Variants in AMN observed in about 807,000 individuals in gnomAD.
The protein encoded by AMN is amnion associated transmembrane protein.
A neutral mutation model predicts 49.1 loss-of-function variants in AMN; 40 were observed. The observed-to-expected ratio is 0.81, with a 90% CI of 0.63 to 1.06. The LOEUF is 1.06. Among genes scored for constraint, AMN ranks in the 50% least tolerant of loss-of-function variants. The pLI is 0.00. For missense variants in AMN, 701 were observed against 662.8 expected (o/e 1.06, Z -0.63); for synonymous variants, 380 against 313.3 (o/e 1.21, Z -2.25).
intron 8 of AMN, 78 bp from the exon 9 acceptor site, chr14:102,929,846 C>T (rs963445170): frequency 2.6e-6 from 4 of 1,545,218 alleles, no homozygotes; most frequent in African/African-American, 2.7e-5. Context: ...TGCCCACTAT[C>T]TGCCTCTGCC....
intron 3 of AMN, among the ~76,000 whole-genome samples, chr14:102,928,125 C>T (rs1891228646): frequency 6.6e-6 from 1 of 152,258 alleles, no homozygotes; most frequent in African/African-American, 2.4e-5. Flanking sequence ...CCCCAGACTC[C>T]CCACGGCTCC....
In AMN at chr14:102,928,474, G is replaced by C; in HGVS notation, c.256G>C (p.Gly86Arg). Residue 86 changes from glycine (G) to arginine (R), a missense_variant, in exon 4 of 12, where the codon GGC (glycine) becomes CGC (arginine). By Grantham distance (125) the Gly-to-Arg change is moderately radical. Coordinates refer to ENST00000299155, the MANE Select transcript of AMN (RefSeq NM_030943.4). ...ELVLASGAGF[G>R]VSDVGSHLDC... ...CGTCCTGGCTTCAGGAGCCGGATTC[G>C]GCGTCTCAGACGTGGGCTCGCACCT... 3 of 1,609,808 alleles carry C rather than the reference G, an allele frequency of 1.9e-6. No individual in the cohort carries two copies. The highest frequency in any genetic ancestry group is 2.5e-6 in the Non-Finnish European group (3 of 1,179,138).
At chr14:102,922,947 AGAG>A (rs1211341713) in intron 1 of AMN, 1 of 630,286 alleles carries the variant, frequency 1.6e-6, no homozygotes, top group African/African-American at 1.9e-5. Context: ...GCGGGAGAGG[AGAG>A]GAGGGGCTCC....
intron 1 of AMN, chr14:102,923,166 C>G: frequency 4.2e-6 from 1 of 240,830 alleles, no homozygotes; most frequent in Non-Finnish European, 8.2e-6. Context: ...CTGGCGCCCC[C>G]TTCCCTAAAC....
At chr14:102,924,633 C>G (rs1220506689) in intron 3 of AMN, among the ~76,000 whole-genome samples, 1 of 152,208 alleles carries the variant, frequency 6.6e-6, no homozygotes, top group East Asian at 1.9e-4. Flanking sequence ...AGGTTGGGGA[C>G]TGCTGCCCTA....
chr14:102,929,328 G>GC, intron 6 of AMN, 70 bp downstream of exon 6: 1 of 1,475,560 alleles, frequency 6.8e-7, no homozygotes, highest in Non-Finnish European at 8.9e-7. Flanking sequence ...CAGGGCCGCT[G>GC]CGCTCCCACG....
chr14:102,930,137 G>T, intron 9 of AMN, 28 bp from the exon 10 acceptor site: 1 of 1,502,676 alleles, frequency 6.7e-7, no homozygotes, highest in African/African-American at 1.4e-5. Flanking sequence ...CCGCCGCGGG[G>T]AAGACTGAGC....
At chr14:102,925,852 CGCG>C (rs1204341016) in intron 3 of AMN, among the ~76,000 whole-genome samples, 1 of 152,232 alleles carries the variant, frequency 6.6e-6, no homozygotes, top group Non-Finnish European at 1.5e-5. Flanking sequence ...ATCCCCTGCC[CGCG>C]TCGGCTATGT....
chr14:102,929,381 T>G, intron 6 of AMN, 47 bp from the exon 7 acceptor site: 1 of 1,519,166 alleles, frequency 6.6e-7, no homozygotes, highest in Admixed American at 2.0e-5. Context: ...CCCTTCTCGC[T>G]GCGGTCCGCT....
Position 102,929,448 on chromosome 14 carries a change from G to A in AMN, c.672G>A (p.Ala224=), listed in dbSNP as rs1403311766. The A allele has an allele frequency of 9.1e-6, 14 of 1,531,110 alleles. No homozygotes were observed. The East Asian group carries it at 2.7e-4, about 29-fold the overall frequency. The allele number at this position is 1,531,110 out of a possible 1,614,324, so 94.8% of individuals were successfully genotyped here. A position where few individuals can be genotyped will look rare whatever the true frequency, so the allele number is the denominator to read the frequency against. Residue 224 remains alanine, a synonymous_variant, in exon 7 of 12, where the codon GCG becomes GCA. Transcript: ENST00000299155. ...ACCAGGCGCAGCCGTGGATCTGCGC[G>A]GCCCTGCTCCAGCCCCTGGGCGGCC... ...GNAEAQPWIC[A]ALLQPLGGRC... is the part of the protein sequence containing the mutation.
Position 102,930,502 on chromosome 14 carries a change from G to A in AMN, c.1257+9G>A. The stretch of plus-strand genomic sequence containing the variant: ...CGGCCTCCGAGGAGCTGGTGAGGGG[G>A]CTGGAGGGGGGACCGGGGCCTCCTC... On this transcript the variant is annotated intron_variant, in intron 11 of 11. Transcript: ENST00000299155. 6.5e-7 allele frequency: 1 copy of A among 1,538,340 alleles called. No individual in the cohort carries two copies. Among genetic ancestry groups the A allele is most frequent in the South Asian group, 1.2e-5 (1 of 83,526 alleles).
rs1891340792 is a variant in AMN at position 102,930,774 on chromosome 14, C to T, written c.*94C>T. 1 of 1,359,874 alleles carries T rather than the reference C, an allele frequency of 7.4e-7. No homozygotes were observed. The allele number at this position is 1,359,874 out of a possible 1,614,324, so 84.2% of individuals were successfully genotyped here. A position where few individuals can be genotyped will look rare whatever the true frequency, so the allele number is the denominator to read the frequency against. ...ACCTCCTCGTCCAGCCCCCAAACCT[C>T]CCCTTCCTTTCCCCCTCCTCCGGGG... On this transcript the variant is annotated 3_prime_UTR_variant, in exon 12 of 12. Transcript: ENST00000299155.
At chr14:102,925,440 G>A (rs961736029) in intron 3 of AMN, among the ~76,000 whole-genome samples, 6 of 152,204 alleles carry the variant, frequency 3.9e-5, no homozygotes, top group Non-Finnish European at 7.3e-5. Context: ...AGATGGCGAC[G>A]CTCCCACCCG....
chr14:102,928,688 G>A, intron 4 of AMN, 70 bp from the exon 5 acceptor site: 1 of 1,539,180 alleles, frequency 6.5e-7, no homozygotes, highest in Non-Finnish European at 8.8e-7. Flanking sequence ...CAGACGCGTG[G>A]CGTGGCGTGG....
At chr14:102,927,085 G>A (rs1382189282) in intron 3 of AMN, among the ~76,000 whole-genome samples, 2 of 152,118 alleles carry the variant, frequency 1.3e-5, no homozygotes, top group African/African-American at 2.4e-5. Context: ...TAGAGATGGG[G>A]GTCTCACTAT....
At chr14:102,924,489 C>T (rs1053945916) in intron 3 of AMN, among the ~76,000 whole-genome samples, 10 of 152,180 alleles carry the variant, frequency 6.6e-5, no homozygotes, top group African/African-American at 1.4e-4. Flanking sequence ...ACTGCGCCAG[C>T]GAGGGGCCTG....
rs1891341585 is a variant in AMN at position 102,930,787 on chromosome 14, C to T, written c.*107C>T. 1.6e-6 allele frequency: 2 copies of T among 1,277,034 alleles called. No homozygotes were observed. Among genetic ancestry groups the T allele is most frequent in the Non-Finnish European group, 2.2e-6 (2 of 911,252 alleles). The allele number at this position is 1,277,034 out of a possible 1,614,324, so 79.1% of individuals were successfully genotyped here. On this transcript the variant is annotated 3_prime_UTR_variant, in exon 12 of 12. Transcript: ENST00000299155. ...GCCCCCAAACCTCCCCTTCCTTTCC[C>T]CCTCCTCCGGGGGCCAAGGACAGGG...
At chr14:102,930,384 T>A in intron 10 of AMN, 22 bp from the exon 11 acceptor site, 1 of 1,501,628 alleles carries the variant, frequency 6.7e-7, no homozygotes, top group African/African-American at 1.4e-5. Flanking sequence ...GGGCTCACGC[T>A]GCGTCCCCGC....
Position 102,930,500 on chromosome 14 carries a change from G to A in AMN, c.1257+7G>A, listed in dbSNP as rs1437936748. The A allele has an allele frequency of 2.0e-6, 3 of 1,538,042 alleles. No individual in the cohort carries two copies. Among genetic ancestry groups the A allele is most frequent in the East Asian group, 4.9e-5 (2 of 40,670 alleles). On this transcript the variant is annotated splice_region_variant and intron_variant, in intron 11 of 11. Coordinates refer to ENST00000299155, the MANE Select transcript of AMN (RefSeq NM_030943.4). ...GACGGCCTCCGAGGAGCTGGTGAGG[G>A]GGCTGGAGGGGGGACCGGGGCCTCC...
Sources: allele counts gnomAD v4.1 joint callset (sites outside exome capture counted in the v4.1 genomes callset), GRCh38; gene constraint gnomAD v4.1.1; transcripts MANE v1.5; gene names NCBI Gene and HGNC (gene_info 2026-07-23, HGNC 2026-07-21).